The following CYB5R4 variants were observed in gnomAD, a reference collection of about 807,000 sequenced individuals.
CYB5R4 encodes the protein N-terminal cytochrome b5 and cytochrome b5 oxidoreductase domain-containing protein.
In CYB5R4, 55 loss-of-function variants were observed where a neutral mutation model predicts 70.2. That is an observed-to-expected ratio of 0.78 (90% confidence interval 0.63 to 0.98). CYB5R4 has a LOEUF of 0.98. CYB5R4 is among the 50% of genes least tolerant of loss of function. The probability of loss-of-function intolerance (pLI) is 0.00; values close to 1 mark genes in which losing one functional copy is unlikely to be tolerated. For missense variants in CYB5R4, 562 were observed against 612.6 expected (o/e 0.92, Z 0.87); for synonymous variants, 197 against 199.5 (o/e 0.99, Z 0.11).
At chr6:83,892,422 A>G (rs2129133871) in intron 2 of CYB5R4, among the ~76,000 whole-genome samples, 1 of 151,458 alleles carries the variant, frequency 6.6e-6, no homozygotes, top group East Asian at 1.9e-4. Flanking sequence ...ATAGTCCTGG[A>G]TATTTAAAAA....
chr6:83,883,594 T>C (rs570567693), intron 2 of CYB5R4, among the ~76,000 whole-genome samples: 9 of 152,148 alleles, frequency 5.9e-5, no homozygotes, highest in Non-Finnish European at 1.3e-4. Flanking sequence ...ATAAAGACTT[T>C]TTCAGATAAA....
At chr6:83,945,605 A>G (rs1025933532) in intron 14 of CYB5R4, among the ~76,000 whole-genome samples, 1 of 152,116 alleles carries the variant, frequency 6.6e-6, no homozygotes, top group Non-Finnish European at 1.5e-5. Context: ...GACATGAAAA[A>G]CCCTTCAAAA....
intron 4 of CYB5R4, chr6:83,910,207 C>A: frequency 1.4e-6 from 2 of 1,423,450 alleles, no homozygotes; most frequent in East Asian, 2.4e-5. Flanking sequence ...GGGCTGCCTG[C>A]CAGTTGGAAG....
At position 83,859,702 on chromosome 6, in the gene CYB5R4, G is replaced by T; in HGVS notation, c.-81G>T. ...GAAGTGGGTCGGGGGCTTGGCCTCT[G>T]CCCGGCCACAGAGCCGGAGCTGGAG... On this transcript the variant is annotated 5_prime_UTR_variant, in exon 1 of 16. Coordinates refer to ENST00000369681, the MANE Select transcript of CYB5R4 (RefSeq NM_016230.4). 3.3e-6 allele frequency: 5 copies of T among 1,503,398 alleles called. No homozygotes were observed. Among genetic ancestry groups the T allele is most frequent in the East Asian group, 2.3e-5 (1 of 43,090 alleles). The allele number at this position is 1,503,398 out of a possible 1,614,324, so 93.1% of individuals were successfully genotyped here. A position where few individuals can be genotyped will look rare whatever the true frequency, so the allele number is the denominator to read the frequency against.
intron 15 of CYB5R4, among the ~76,000 whole-genome samples, chr6:83,957,412 G>A (rs544668513): frequency 4.9e-4 from 74 of 152,172 alleles, no homozygotes; most frequent in South Asian, 2.1e-3. Flanking sequence ...CCTGAGGTCA[G>A]GAGTTCGAGA....
rs560043077 is a variant in CYB5R4 at position 83,871,600 on chromosome 6, G to A, written c.229+7272G>A. On this transcript the variant is annotated intron_variant, in intron 2 of 15. Coordinates refer to ENST00000369681, the MANE Select transcript of CYB5R4 (RefSeq NM_016230.4). ...TGGTTGACACAGTGGTTTAGAAATT[G>A]CAGCCAACATTCTGAAATTTTCTTT... is the stretch of plus-strand genomic sequence containing the variant. 8.5e-5 allele frequency among the ~76,000 whole-genome samples: 13 copies of A among 152,090 alleles called. No homozygotes were observed. The South Asian group carries it at 1.7e-3, about 19-fold the overall frequency.
rs2099470020 is a variant in CYB5R4 at position 83,943,082 on chromosome 6, TG to T, written c.1346+2483del. 2.0e-5 allele frequency among the ~76,000 whole-genome samples: 3 copies of T among 152,244 alleles called. No individual in the cohort carries two copies. The South Asian group carries it at 6.2e-4, about 32-fold the overall frequency. On this transcript the variant is annotated intron_variant, in intron 14 of 15. Transcript: ENST00000369681. ...TGCTTGCTGGCTCTGAAGAGAGCAG[TG>T]GATCTCCCAGCACAGTGCTCGAGCT...
At position 83,922,582 on chromosome 6, in the gene CYB5R4, T is replaced by C. The variant is rs1175139273; in HGVS notation, c.691+112T>C. On this transcript the variant is annotated intron_variant, in intron 9 of 15. Coordinates refer to ENST00000369681, the MANE Select transcript of CYB5R4 (RefSeq NM_016230.4). ...GCATTTGTTTTATTTTTCATGTCTA[T>C]ATTTTCACATTGCAAAACAAAGATG... is the stretch of plus-strand genomic sequence containing the variant. The C allele has an allele frequency of 8.2e-6, 6 of 732,356 alleles. No homozygotes were observed. In the South Asian group the frequency reaches 1.0e-4, roughly 13 times the overall value. 45.4% of individuals were successfully genotyped at this position (732,356 alleles called of 1,614,324 possible). A position where few individuals can be genotyped will look rare whatever the true frequency, so the allele number is the denominator to read the frequency against.
In CYB5R4 at chr6:83,966,859, T is replaced by C. The variant is rs1554424868; in HGVS notation, c.*6981T>C. ...ATCATCCTGAAATTAACAAGAAAAA[T>C]TGAAATTAATGTTGAAAGAGCACCA... is the stretch of plus-strand genomic sequence containing the variant. On this transcript the variant is annotated 3_prime_UTR_variant, in exon 16 of 16. Transcript: ENST00000369681. The C allele has an allele frequency of 1.3e-5, 2 of 151,868 alleles. No homozygotes were observed. The highest frequency in any genetic ancestry group is 4.8e-5 in the African/African-American group (2 of 41,314). 9.4% of individuals were successfully genotyped at this position (151,868 alleles called of 1,614,324 possible).
chr6:83,865,659 G>C (rs537177536), intron 2 of CYB5R4, among the ~76,000 whole-genome samples: 1 of 152,136 alleles, frequency 6.6e-6, no homozygotes, highest in East Asian at 1.9e-4. Flanking sequence ...ATTTAATTTT[G>C]CATCTGTAAC....
rs142402227 is a variant in CYB5R4 at position 83,916,950 on chromosome 6, A to G, written c.446-1055A>G. Among the ~76,000 whole-genome samples the G allele has an allele frequency of 3.5e-3, 540 of 152,274 alleles. 2 individuals carry two copies. Among genetic ancestry groups the G allele is most frequent in the African/African-American group, 0.013 (521 of 41,548 alleles). ...GTATAGTTTGAAAAATAGTAATATA[A>G]TTGATGCAATGATTTTCAAAAGTCA... On this transcript the variant is annotated intron_variant, in intron 5 of 15. Transcript: ENST00000369681.
rs2099473965 is a variant in CYB5R4 at position 83,965,828 on chromosome 6, A to G, written c.*5950A>G. 1 of 152,136 alleles carries G rather than the reference A, an allele frequency of 6.6e-6. No individual in the cohort carries two copies. The highest frequency in any genetic ancestry group is 1.5e-5 in the Non-Finnish European group (1 of 68,034). The allele number at this position is 152,136 out of a possible 1,614,324, so 9.4% of individuals were successfully genotyped here. On this transcript the variant is annotated 3_prime_UTR_variant, in exon 16 of 16. Coordinates refer to ENST00000369681, the MANE Select transcript of CYB5R4 (RefSeq NM_016230.4). ...TTGAATCATGGGGGTGGTTTCCCCC[A>G]TACTGTTCTCATGGTAGAGAATAAG...
At chr6:83,860,006 A>G in intron 1 of CYB5R4, 149 bp downstream of exon 1, 4 of 716,158 alleles carry the variant, frequency 5.6e-6, no homozygotes, top group Non-Finnish European at 6.8e-6. Context: ...TTCTGATCCC[A>G]CTTTGTCTAC....
At chr6:83,919,229 T>A (rs2099465976) in intron 6 of CYB5R4, among the ~76,000 whole-genome samples, 168 bp from the exon 7 acceptor site, 1 of 152,148 alleles carries the variant, frequency 6.6e-6, no homozygotes, top group African/African-American at 2.4e-5. Context: ...AGTTGTCAGC[T>A]GTATAATGAA....
In CYB5R4 at chr6:83,885,364, C is replaced by A. The variant is rs532627273; in HGVS notation, c.230-8158C>A. 2.0e-5 allele frequency among the ~76,000 whole-genome samples: 3 copies of A among 152,268 alleles called. No individual in the cohort carries two copies. In the South Asian group the frequency reaches 6.2e-4, roughly 32 times the overall value. The stretch of plus-strand genomic sequence containing the variant: ...TTTGACCTTGAGCCACCAAAAAGGT[C>A]TTAAGCTCCCTCAGGAGTCCCTAGA... On this transcript the variant is annotated intron_variant, in intron 2 of 15. Coordinates refer to ENST00000369681, the MANE Select transcript of CYB5R4 (RefSeq NM_016230.4).
intron 3 of CYB5R4, among the ~76,000 whole-genome samples, chr6:83,903,732 G>C (rs2099463354): frequency 6.6e-6 from 1 of 151,782 alleles, no homozygotes; most frequent in Non-Finnish European, 1.5e-5. Context: ...ACTGGTTATT[G>C]GTCTGTTCAT....
rs115870698 is a variant in CYB5R4 at position 83,866,619 on chromosome 6, T to G, written c.229+2291T>G. Among the ~76,000 whole-genome samples the G allele has an allele frequency of 2.8e-3, 426 of 152,076 alleles. 2 individuals are homozygous for G. Among genetic ancestry groups the G allele is most frequent in the African/African-American group, 9.7e-3 (403 of 41,468 alleles). On this transcript the variant is annotated intron_variant, in intron 2 of 15. Transcript: ENST00000369681. ...TGGTTGAATTAATCATGGTTTGTTTTTTTTTTTTATAAAGGAGACAGGATC... is the reference window on the plus strand; with the variant it reads ...TGGTTGAATTAATCATGGTTTGTTTGTTTTTTTTATAAAGGAGACAGGATC...
intron 15 of CYB5R4, among the ~76,000 whole-genome samples, chr6:83,956,460 G>A (rs892643748): frequency 2.0e-5 from 3 of 152,170 alleles, no homozygotes; most frequent in African/African-American, 7.2e-5. Context: ...CTAAAGACCT[G>A]AGATCCACAG....
At chr6:83,868,723 G>T (rs984831049) in intron 2 of CYB5R4, among the ~76,000 whole-genome samples, 2 of 152,184 alleles carry the variant, frequency 1.3e-5, no homozygotes, top group African/African-American at 4.8e-5. Flanking sequence ...TATGTAAAGT[G>T]TTGAGCAAGT....
Sources: allele counts gnomAD v4.1 joint callset (sites outside exome capture counted in the v4.1 genomes callset), GRCh38; gene constraint gnomAD v4.1.1; transcripts MANE v1.5; gene names NCBI Gene and HGNC (gene_info 2026-07-23, HGNC 2026-07-21).